NRG3: variants seen among roughly 807,000 people sequenced by gnomAD.
NRG3 encodes the protein pro-neuregulin-3, membrane-bound isoform.
Under a neutral mutation model 66.9 loss-of-function variants are expected in NRG3, and 31 were observed. That is an observed-to-expected ratio of 0.46 (90% CI 0.35 to 0.63). NRG3 has a LOEUF of 0.63. NRG3 is among the 20% of genes least tolerant of loss of function. The pLI is 0.00. For synonymous variants in NRG3, 393 were observed against 359.4 expected, an observed-to-expected ratio of 1.09 and a Z score of -1.06; for missense variants, 910 against 878.9, an observed-to-expected ratio of 1.04 and a Z score of -0.45.
At chr10:81,968,502 G>T (rs573145174) in intron 1 of NRG3, among the ~76,000 whole-genome samples, 10 of 152,176 alleles carry the variant, frequency 6.6e-5, no homozygotes, top group African/African-American at 1.9e-4. Flanking sequence ...CAGCTCTGAC[G>T]TTGGGGGACT....
At chr10:82,134,740 G>A (rs1055608444) in intron 1 of NRG3, among the ~76,000 whole-genome samples, 1 of 151,676 alleles carries the variant, frequency 6.6e-6, no homozygotes, top group East Asian at 1.9e-4. Flanking sequence ...TTGGCTATTC[G>A]GGCTCTTTTT....
chr10:82,277,384 A>G (rs1007183019), intron 1 of NRG3, among the ~76,000 whole-genome samples: 1 of 152,112 alleles, frequency 6.6e-6, no homozygotes, highest in Non-Finnish European at 1.5e-5. Context: ...AAGTTGGAAA[A>G]CAATAAAGAC....
chr10:82,138,720 T>C (rs1426928157), intron 1 of NRG3, among the ~76,000 whole-genome samples: 1 of 152,150 alleles, frequency 6.6e-6, no homozygotes, highest in Non-Finnish European at 1.5e-5. Context: ...CTTCAGTCTG[T>C]GGCCCAAGAG....
At chr10:82,496,765 T>C (rs1182109449) in intron 2 of NRG3, among the ~76,000 whole-genome samples, 1 of 152,202 alleles carries the variant, frequency 6.6e-6, no homozygotes. Flanking sequence ...TAAACATACA[T>C]TGCCGTGAAT....
intron 8 of NRG3, among the ~76,000 whole-genome samples, chr10:82,984,303 C>A (rs1853223529): frequency 6.6e-6 from 1 of 152,176 alleles, no homozygotes; most frequent in African/African-American, 2.4e-5. Context: ...ATTCAAATGA[C>A]TTGTGATGGC....
intron 1 of NRG3, among the ~76,000 whole-genome samples, chr10:82,028,881 C>T (rs563893141): frequency 6.6e-5 from 10 of 152,124 alleles, no homozygotes; most frequent in South Asian, 2.1e-4. Context: ...AGAATCAGCA[C>T]GGTTTGGTGC....
chr10:82,114,131 G>A (rs575589863), intron 1 of NRG3, among the ~76,000 whole-genome samples: 1 of 152,184 alleles, frequency 6.6e-6, no homozygotes, highest in South Asian at 2.1e-4. Context: ...TGTTTTCAAG[G>A]ATCATTCGTC....
chr10:82,914,217 G>C (rs1243582155), intron 4 of NRG3, among the ~76,000 whole-genome samples: 1 of 151,418 alleles, frequency 6.6e-6, no homozygotes, highest in Non-Finnish European at 1.5e-5. Flanking sequence ...TTTTTCATTA[G>C]ATCCTTTGGC....
chr10:82,290,125 C>G (rs775286136), intron 1 of NRG3, among the ~76,000 whole-genome samples: 1 of 152,144 alleles, frequency 6.6e-6, no homozygotes, highest in Non-Finnish European at 1.5e-5. Context: ...CCTGCTGCAC[C>G]GTCATCCTTG....
At chr10:82,499,732 A>C (rs1233919223) in intron 2 of NRG3, among the ~76,000 whole-genome samples, 1 of 152,138 alleles carries the variant, frequency 6.6e-6, no homozygotes, top group Non-Finnish European at 1.5e-5. Flanking sequence ...GTTAGGTATA[A>C]GTTATAAATC....
chr10:82,585,927 T>C (rs1229448983), intron 2 of NRG3, among the ~76,000 whole-genome samples: 4 of 152,230 alleles, frequency 2.6e-5, no homozygotes, highest in African/African-American at 9.6e-5. Flanking sequence ...GAAATAGGAT[T>C]ACTTAAAAAC....
chr10:82,121,008 T>C (rs1197052660), intron 1 of NRG3, among the ~76,000 whole-genome samples: 1 of 152,130 alleles, frequency 6.6e-6, no homozygotes, highest in African/African-American at 2.4e-5. Context: ...TCAAAATCTG[T>C]TCCAGTGTAC....
intron 2 of NRG3, among the ~76,000 whole-genome samples, chr10:82,525,622 A>G (rs1260959448): frequency 6.6e-6 from 1 of 151,782 alleles, no homozygotes; most frequent in African/African-American, 2.4e-5. Context: ...TTTTTTTTCT[A>G]GGGTGAGGAA....
intron 1 of NRG3, among the ~76,000 whole-genome samples, chr10:82,308,798 C>T (rs2080878373): frequency 6.6e-6 from 1 of 152,116 alleles, no homozygotes; most frequent in Admixed American, 6.5e-5. Context: ...CTCTGGGACT[C>T]AGGCTGAGCT....
chr10:82,069,771 G>C (rs2064698057), intron 1 of NRG3, among the ~76,000 whole-genome samples: 1 of 152,114 alleles, frequency 6.6e-6, no homozygotes, highest in Non-Finnish European at 1.5e-5. Flanking sequence ...ATTGAAATAA[G>C]CTTTTAGAAA....
intron 6 of NRG3, among the ~76,000 whole-genome samples, chr10:82,965,283 C>T (rs1049308036): frequency 6.6e-6 from 1 of 152,078 alleles, no homozygotes; most frequent in Non-Finnish European, 1.5e-5. Context: ...AATCAACTGC[C>T]AGGCTTTGTA....
chr10:82,231,464 A>G (rs1361707452), intron 1 of NRG3, among the ~76,000 whole-genome samples: 2 of 151,962 alleles, frequency 1.3e-5, no homozygotes, highest in Non-Finnish European at 2.9e-5. Flanking sequence ...CACAAAAAGA[A>G]CAAAGTGAAA....
intron 2 of NRG3, among the ~76,000 whole-genome samples, chr10:82,436,132 T>TG (rs1469452396): frequency 1.3e-5 from 2 of 152,130 alleles, no homozygotes; most frequent in Non-Finnish European, 2.9e-5. Context: ...ATACTGACAT[T>TG]GGGGTGTTAA....
At chr10:82,785,194 G>C (rs918010134) in intron 3 of NRG3, among the ~76,000 whole-genome samples, 6 of 151,456 alleles carry the variant, frequency 4.0e-5, no homozygotes, top group Admixed American at 2.6e-4. Flanking sequence ...TCACACTCTG[G>C]GGGCTGTTGT....
Sources: allele counts gnomAD v4.1 joint callset (sites outside exome capture counted in the v4.1 genomes callset), GRCh38; gene constraint gnomAD v4.1.1; transcripts MANE v1.5; gene names NCBI Gene and HGNC (gene_info 2026-07-23, HGNC 2026-07-21).